PPM1E: variants seen among roughly 807,000 people sequenced by gnomAD.
PPM1E encodes the protein protein phosphatase 1E.
Under a neutral mutation model 65.9 loss-of-function variants are expected in PPM1E, and 20 were observed. The ratio of observed to expected loss-of-function variants is 0.30; its 90% CI spans 0.21 to 0.44. The LOEUF (loss-of-function observed/expected upper bound fraction) is 0.44. Among genes scored for constraint, PPM1E ranks in the 20% least tolerant of loss-of-function variants. The pLI is 1.00. For synonymous variants in PPM1E, 352 were observed against 374.9 expected, an observed-to-expected ratio of 0.94 and a Z score of 0.70; for missense variants, 713 against 953.1, an observed-to-expected ratio of 0.75 and a Z score of 3.32.
At chr17:58,967,896 C>T (rs923776443) in intron 3 of PPM1E, among the ~76,000 whole-genome samples, 3 of 151,874 alleles carry the variant, frequency 2.0e-5, no homozygotes, top group African/African-American at 4.8e-5. Flanking sequence ...CTCCGCTTCC[C>T]GGGTTCAAGA....
In PPM1E at chr17:58,955,772, G is replaced by C. The variant is rs778148669; in HGVS notation, c.583+5G>C. On this transcript the variant is annotated splice_donor_5th_base_variant and intron_variant, in intron 2 of 6. Coordinates refer to ENST00000308249, the MANE Select transcript of PPM1E (RefSeq NM_014906.5). ...ATGGCACAGAAGGGACTGTGGGTGAGTACCTTTCTACATTATTTGTTTAAA... is the reference window on the plus strand; with the variant it reads ...ATGGCACAGAAGGGACTGTGGGTGACTACCTTTCTACATTATTTGTTTAAA... The C allele has an allele frequency of 6.3e-7, 1 of 1,580,668 alleles. No individual in the cohort carries two copies. Among genetic ancestry groups the C allele is most frequent in the South Asian group, 1.2e-5 (1 of 83,902 alleles).
intron 1 of PPM1E, among the ~76,000 whole-genome samples, chr17:58,816,761 T>TATATAA (rs2050421395): frequency 1.2e-4 from 1 of 8,426 alleles, no homozygotes; most frequent in South Asian, 2.6e-3. Context: ...TATATATATA[T>TATATAA]ATATATATAT....
At chr17:58,818,132 A>G (rs1211513699) in intron 1 of PPM1E, among the ~76,000 whole-genome samples, 2 of 152,208 alleles carry the variant, frequency 1.3e-5, no homozygotes, top group Admixed American at 6.5e-5. Context: ...CAGGAAAAAA[A>G]TGAGACAGTA....
chr17:58,911,005 A>C (rs542902989), intron 1 of PPM1E, among the ~76,000 whole-genome samples: 1 of 152,176 alleles, frequency 6.6e-6, no homozygotes, highest in South Asian at 2.1e-4. Context: ...AAACTCACAA[A>C]AGTGTGGGGA....
intron 2 of PPM1E, among the ~76,000 whole-genome samples, chr17:58,961,400 C>T (rs2030026679): frequency 6.6e-6 from 1 of 152,148 alleles, no homozygotes. Flanking sequence ...AGAACATGGA[C>T]TTTTGAGTCA....
chr17:58,773,730 G>C (rs997486677), intron 1 of PPM1E, among the ~76,000 whole-genome samples: 15 of 152,120 alleles, frequency 9.9e-5, no homozygotes, highest in African/African-American at 1.4e-4. Flanking sequence ...ATTAGGCAGT[G>C]TTTCTTAAGT....
At chr17:58,804,900 G>C (rs1354425235) in intron 1 of PPM1E, among the ~76,000 whole-genome samples, 3 of 151,984 alleles carry the variant, frequency 2.0e-5, no homozygotes, top group African/African-American at 7.2e-5. Flanking sequence ...CAAATTCTCT[G>C]TTTTAGCTGC....
At chr17:58,864,059 T>C (rs1286712715) in intron 1 of PPM1E, among the ~76,000 whole-genome samples, 1 of 150,874 alleles carries the variant, frequency 6.6e-6, no homozygotes, top group African/African-American at 2.4e-5. Flanking sequence ...TTCTATCTAG[T>C]ATTTCCCTGC....
chr17:58,783,777 G>A (rs1308939358), intron 1 of PPM1E, among the ~76,000 whole-genome samples: 1 of 151,948 alleles, frequency 6.6e-6, no homozygotes, highest in Admixed American at 6.6e-5. Flanking sequence ...GCGTGATCTC[G>A]GCCCACTGCA....
chr17:58,980,028 T>C lies in PPM1E; in HGVS notation c.1265T>C (p.Val422Ala). 1 of 1,614,124 alleles carries C rather than the reference T, an allele frequency of 6.2e-7. No individual in the cohort carries two copies. The highest frequency in any genetic ancestry group is 8.5e-7 in the Non-Finnish European group (1 of 1,180,024). The change falls in exon 7 of 7, where the codon GTT (valine) becomes GCT (alanine). Residue 422 changes from valine (V) to alanine (A), a missense_variant. Val to Ala is a moderately conservative substitution (Grantham distance 64). Coordinates refer to ENST00000308249, the MANE Select transcript of PPM1E (RefSeq NM_014906.5). The surrounding 1 kb of genome is among the most constrained non-coding windows in gnomAD (Gnocchi z 4.7). ...ICGDADSAST[V>A]LDGTEDYLIL... ...GGGGATGCAGATTCTGCCTCCACTG[T>C]TCTGGATGGGACCGAAGACTACCTC...
chr17:58,783,290 A>G (rs746968886), intron 1 of PPM1E, among the ~76,000 whole-genome samples: 40 of 152,380 alleles, frequency 2.6e-4, no homozygotes, highest in Non-Finnish European at 4.7e-4. Flanking sequence ...AGTATAACTA[A>G]ATATATAATC....
At chr17:58,818,930 A>T (rs780459344) in intron 1 of PPM1E, among the ~76,000 whole-genome samples, 9 of 152,234 alleles carry the variant, frequency 5.9e-5, no homozygotes, top group Non-Finnish European at 1.3e-4. Flanking sequence ...CTGAGGTCAG[A>T]CATTTCAGGC....
intron 6 of PPM1E, among the ~76,000 whole-genome samples, chr17:58,978,257 A>G (rs1439196316): frequency 6.6e-6 from 1 of 152,218 alleles, no homozygotes; most frequent in East Asian, 1.9e-4. Flanking sequence ...GTCCTTAACC[A>G]CTAAGCAATA....
intron 1 of PPM1E, among the ~76,000 whole-genome samples, chr17:58,819,372 C>T (rs1195370917): frequency 1.3e-5 from 2 of 152,174 alleles, no homozygotes; most frequent in East Asian, 1.9e-4. Flanking sequence ...TGGTCTTGAA[C>T]GCCTGACCTC....
intron 1 of PPM1E, among the ~76,000 whole-genome samples, chr17:58,853,257 A>C (rs1008214320): frequency 6.6e-6 from 1 of 152,138 alleles, no homozygotes; most frequent in Non-Finnish European, 1.5e-5. Context: ...TATTTAGGTC[A>C]TGGAGCCATT....
chr17:58,905,795 G>A (rs200087626), intron 1 of PPM1E, among the ~76,000 whole-genome samples: 4 of 152,098 alleles, frequency 2.6e-5, no homozygotes, highest in East Asian at 3.9e-4. Context: ...GTTAATAGGT[G>A]CACTAATTAA....
chr17:58,828,247 C>G (rs2050562747), intron 1 of PPM1E, among the ~76,000 whole-genome samples: 1 of 151,540 alleles, frequency 6.6e-6, no homozygotes, highest in Non-Finnish European at 1.5e-5. Context: ...TATTTTTATT[C>G]AATGTAATAT....
chr17:58,779,296 C>T (rs1388550865), intron 1 of PPM1E, among the ~76,000 whole-genome samples: 1 of 151,388 alleles, frequency 6.6e-6, no homozygotes, highest in Admixed American at 6.6e-5. Context: ...CTGCTCCTCC[C>T]GAGTAGCTGG....
intron 3 of PPM1E, among the ~76,000 whole-genome samples, chr17:58,967,548 A>T (rs1012292626): frequency 1.6e-4 from 24 of 150,986 alleles, no homozygotes; most frequent in African/African-American, 5.8e-4. Flanking sequence ...AGAGGGAGGG[A>T]GGACTGGTTA....
Sources: allele counts gnomAD v4.1 joint callset (sites outside exome capture counted in the v4.1 genomes callset), GRCh38; gene constraint gnomAD v4.1.1; non-coding constraint Gnocchi (gnomAD v3.1); transcripts MANE v1.5; gene names NCBI Gene and HGNC (gene_info 2026-07-23, HGNC 2026-07-21).